The following ANKRD62 variants were observed in gnomAD, a reference collection of about 807,000 sequenced individuals.
ANKRD62 encodes ankyrin repeat domain-containing protein 62.
In ANKRD62, 61 loss-of-function variants were observed where a neutral mutation model predicts 98.8. That is an observed-to-expected ratio of 0.62 (90% CI 0.50 to 0.76). The LOEUF is 0.76. Ranked by LOEUF, ANKRD62 falls within the 30% of genes least tolerant of loss-of-function variation. The pLI, the probability that ANKRD62 is intolerant of heterozygous loss-of-function variation, is 0.00. For missense variants in ANKRD62, 933 were observed against 1,082.9 expected (o/e 0.86, Z 1.94); for synonymous variants, 341 against 367.9 (o/e 0.93, Z 0.84).
intron 7 of ANKRD62, among the ~76,000 whole-genome samples, chr18:12,106,641 A>G (rs1909418572): frequency 6.6e-6 from 1 of 152,198 alleles, no homozygotes; most frequent in South Asian, 2.1e-4. Context: ...CAGCTATAAA[A>G]TGTCATGGTT....
chr18:12,128,471 C>T lies in ANKRD62; in HGVS notation c.*532C>T, dbSNP rs1909939165. 6.6e-6 allele frequency: 1 copy of T among 152,208 alleles called. No homozygotes were observed. The highest frequency in any genetic ancestry group is 2.4e-5 in the African/African-American group (1 of 41,444). The allele number at this position is 152,208 out of a possible 1,614,324, so 9.4% of individuals were successfully genotyped here. ...TTGCCAACATGTATGTGTCTACTTT[C>T]TCTTGCTTAAAACAAAAACAAAAAA... On this transcript the variant is annotated 3_prime_UTR_variant, in exon 14 of 14. Coordinates refer to ENST00000587848, the MANE Select transcript of ANKRD62 (RefSeq NM_001277333.2).
the ANKRD62 span, among the ~76,000 whole-genome samples, chr18:12,145,156 G>A: frequency 2.8e-5 from 4 of 145,262 alleles, no homozygotes; most frequent in Non-Finnish European, 4.6e-5. Context: ...TGTGCTGGGG[G>A]ACCACTTCTG....
the ANKRD62 span, among the ~76,000 whole-genome samples, chr18:12,169,689 G>A: frequency 6.6e-6 from 1 of 152,002 alleles, no homozygotes; most frequent in Non-Finnish European, 1.5e-5. Context: ...TATTGATAGG[G>A]GTAGTTTCAG....
chr18:12,103,515 A>T (rs1909352026), intron 7 of ANKRD62, among the ~76,000 whole-genome samples: 1 of 152,130 alleles, frequency 6.6e-6, no homozygotes, highest in African/African-American at 2.4e-5. Flanking sequence ...TTGAATTATA[A>T]TTTTAAGCAA....
the ANKRD62 span, among the ~76,000 whole-genome samples, chr18:12,155,883 A>G: frequency 1.3e-5 from 2 of 152,148 alleles, no homozygotes; most frequent in South Asian, 2.1e-4. Flanking sequence ...GGGAGGAAGA[A>G]AAAGTCAGTT....
chr18:12,159,365 T>C, the ANKRD62 span, among the ~76,000 whole-genome samples: 1 of 152,212 alleles, frequency 6.6e-6, no homozygotes, highest in Non-Finnish European at 1.5e-5. Context: ...AAAAATCATA[T>C]TTAAATGAAT....
intron 5 of ANKRD62, 81 bp from the exon 6 acceptor site, chr18:12,099,534 C>T: frequency 1.2e-6 from 1 of 843,444 alleles, no homozygotes; most frequent in Non-Finnish European, 1.7e-6. Flanking sequence ...TTGATATACT[C>T]TTAAGAATTT....
intron 8 of ANKRD62, among the ~76,000 whole-genome samples, chr18:12,114,808 T>A (rs373946171): frequency 1.3e-5 from 2 of 151,052 alleles, no homozygotes; most frequent in African/African-American, 4.9e-5. Context: ...AAATAACATG[T>A]TTTTTTTTCT....
intron 10 of ANKRD62, among the ~76,000 whole-genome samples, chr18:12,119,350 T>C (rs1421587952): frequency 3.3e-5 from 5 of 151,310 alleles, no homozygotes; most frequent in Admixed American, 2.0e-4. Context: ...CTTCTTCTTT[T>C]TTTTTTTTTT....
chr18:12,114,161 G>A (rs1909608227), intron 8 of ANKRD62, among the ~76,000 whole-genome samples: 1 of 152,108 alleles, frequency 6.6e-6, no homozygotes, highest in Admixed American at 6.5e-5. Context: ...GATGAGTGGA[G>A]GGAAAGGATC....
At chr18:12,175,369 C>G in the ANKRD62 span, among the ~76,000 whole-genome samples, 16 of 152,186 alleles carry the variant, frequency 1.1e-4, no homozygotes, top group South Asian at 3.3e-3. Context: ...TGGTGGTCAG[C>G]AGCGGGAGGG....
chr18:12,164,620 T>C, the ANKRD62 span, among the ~76,000 whole-genome samples: 1 of 151,994 alleles, frequency 6.6e-6, no homozygotes, highest in Non-Finnish European at 1.5e-5. Flanking sequence ...TAGGCAATTA[T>C]AGCTATAAAC....
In ANKRD62 at chr18:12,122,199, A is replaced by T. The variant is rs1159261806; in HGVS notation, c.1241-104A>T. 2.0e-5 allele frequency: 16 copies of T among 798,356 alleles called. No homozygotes were observed. In the East Asian group the frequency reaches 4.3e-4, roughly 21 times the overall value. The allele number at this position is 798,356 out of a possible 1,614,324, so 49.5% of individuals were successfully genotyped here. A position where few individuals can be genotyped will look rare whatever the true frequency, so the allele number is the denominator to read the frequency against. Reference sequence around the variant, plus strand: ...CATTGCAAGCACTTAATATGTACATATTCATTCAGTGTATGAATGAGTGCC... The same window carrying T: ...CATTGCAAGCACTTAATATGTACATTTTCATTCAGTGTATGAATGAGTGCC... On this transcript the variant is annotated intron_variant, in intron 10 of 13. Transcript: ENST00000587848.
the ANKRD62 span, among the ~76,000 whole-genome samples, chr18:12,173,682 G>T: frequency 4.6e-5 from 7 of 152,264 alleles, no homozygotes; most frequent in Admixed American, 3.3e-4. Context: ...AGGCAGGTCT[G>T]GTGGTGACAA....
chr18:12,164,345 C>CT, the ANKRD62 span, among the ~76,000 whole-genome samples: 1 of 151,642 alleles, frequency 6.6e-6, no homozygotes, highest in Non-Finnish European at 1.5e-5. Context: ...GTTGTAATGT[C>CT]TTTTTTTTCG....
chr18:12,119,201 G>A (rs1446337920), intron 10 of ANKRD62, among the ~76,000 whole-genome samples: 11 of 150,358 alleles, frequency 7.3e-5, no homozygotes, highest in African/African-American at 2.7e-4. Context: ...GTTTTTTTTT[G>A]TATCTGTACA....
chr18:12,168,086 C>T, the ANKRD62 span, among the ~76,000 whole-genome samples: 1 of 152,090 alleles, frequency 6.6e-6, no homozygotes, highest in African/African-American at 2.4e-5. Context: ...CTGTAGGTTG[C>T]CTGTTCACTC....
chr18:12,109,096 C>T (rs1909478598), intron 8 of ANKRD62, among the ~76,000 whole-genome samples: 1 of 152,212 alleles, frequency 6.6e-6, no homozygotes, highest in South Asian at 2.1e-4. Flanking sequence ...CATCTTCTCA[C>T]AGCTCTTCGA....
intron 6 of ANKRD62, among the ~76,000 whole-genome samples, chr18:12,100,522 T>C (rs1459524802): frequency 6.6e-6 from 1 of 152,172 alleles, no homozygotes; most frequent in African/African-American, 2.4e-5. Flanking sequence ...TGGTGATTTG[T>C]GTCACTTAAA....
Sources: gnomAD v4.1 joint callset for allele counts (sites outside exome capture counted in the v4.1 genomes callset) on GRCh38, gnomAD v4.1.1 for gene constraint, MANE v1.5 for transcripts, NCBI Gene and HGNC (gene_info 2026-07-23, HGNC 2026-07-21) for gene names.